Variants in PDZRN4 observed in about 807,000 individuals in gnomAD.
PDZRN4 encodes the protein PDZ domain containing ring finger 4.
A neutral mutation model predicts 99.0 loss-of-function variants in PDZRN4; 70 were observed. That is an observed-to-expected ratio of 0.71 (90% confidence interval 0.58 to 0.86). The LOEUF is 0.86. Among genes scored for constraint, PDZRN4 ranks in the 40% least tolerant of loss-of-function variants. The pLI is 0.00. For missense variants in PDZRN4, 1,474 were observed against 1,331.2 expected (o/e 1.11, Z -1.67); for synonymous variants, 551 against 501.6 (o/e 1.10, Z -1.32).
At chr12:41,364,988 GC>G (rs35956426) in intron 3 of PDZRN4, among the ~76,000 whole-genome samples, 1 of 151,948 alleles carries the variant, frequency 6.6e-6, no homozygotes, top group African/African-American at 2.4e-5. Flanking sequence ...AGTTTTTCTA[GC>G]CCCCTAGGGT....
chr12:41,428,894 T>A (rs1476625784), intron 3 of PDZRN4, among the ~76,000 whole-genome samples: 1 of 152,128 alleles, frequency 6.6e-6, no homozygotes, highest in South Asian at 2.1e-4. Context: ...ACAGTTCAGA[T>A]TGACAGGGCC....
chr12:41,346,021 G>T (rs1270643388), intron 3 of PDZRN4, among the ~76,000 whole-genome samples: 2 of 152,012 alleles, frequency 1.3e-5, no homozygotes, highest in African/African-American at 4.8e-5. Context: ...TAAACTTTAT[G>T]TTTTCTCATT....
chr12:41,221,278 C>T (rs1022898736), intron 3 of PDZRN4, among the ~76,000 whole-genome samples: 1 of 152,160 alleles, frequency 6.6e-6, no homozygotes, highest in Admixed American at 6.6e-5. Context: ...TTGTTTGTTA[C>T]AGCACTTACT....
chr12:41,192,036 C>T (rs1036221993), intron 2 of PDZRN4, among the ~76,000 whole-genome samples: 1 of 152,200 alleles, frequency 6.6e-6, no homozygotes, highest in South Asian at 2.1e-4. Flanking sequence ...ACCTCACGGT[C>T]TCCCAAAGTG....
intron 3 of PDZRN4, among the ~76,000 whole-genome samples, chr12:41,460,509 T>G (rs1456771010): frequency 6.6e-6 from 1 of 152,178 alleles, no homozygotes; most frequent in African/African-American, 2.4e-5. Context: ...AGGAGCAAAT[T>G]CCTGTACCAA....
chr12:41,420,446 G>A (rs1952479180), intron 3 of PDZRN4, among the ~76,000 whole-genome samples: 1 of 152,062 alleles, frequency 6.6e-6, no homozygotes, highest in Admixed American at 6.6e-5. Context: ...GTTTTTGTCT[G>A]CTGCCTCCAC....
At chr12:41,259,704 G>A (rs1335171315) in intron 3 of PDZRN4, among the ~76,000 whole-genome samples, 1 of 152,100 alleles carries the variant, frequency 6.6e-6, no homozygotes, top group Non-Finnish European at 1.5e-5. Context: ...AAAAATATGA[G>A]TATATTGGCC....
intron 3 of PDZRN4, among the ~76,000 whole-genome samples, chr12:41,295,018 A>G (rs1466854197): frequency 6.6e-6 from 1 of 152,056 alleles, no homozygotes; most frequent in African/African-American, 2.4e-5. Context: ...AAAAAATCGC[A>G]GTAGCTCTGA....
At chr12:41,555,345 C>T (rs1275230349) in intron 6 of PDZRN4, among the ~76,000 whole-genome samples, 1 of 151,300 alleles carries the variant, frequency 6.6e-6, no homozygotes, top group Non-Finnish European at 1.5e-5. Flanking sequence ...TTACCATCAC[C>T]TCATGTCAAC....
Position 41,555,791 on chromosome 12 carries a change from C to T in PDZRN4, c.1365+31C>T, listed in dbSNP as rs767745842. The stretch of plus-strand genomic sequence containing the variant: ...TGGTATAGTAATTTCCTTTAGTTCC[C>T]CACGATCTGTCCAAAGTTACTATTT... On this transcript the variant is annotated intron_variant, in intron 7 of 9. Transcript: ENST00000402685. The T allele has an allele frequency of 1.7e-5, 26 of 1,509,022 alleles. No individual in the cohort carries two copies. The East Asian group carries it at 3.8e-4, about 22-fold the overall frequency. 93.5% of individuals were successfully genotyped at this position (1,509,022 alleles called of 1,614,324 possible).
At chr12:41,259,041 G>A (rs1244277319) in intron 3 of PDZRN4, among the ~76,000 whole-genome samples, 1 of 152,024 alleles carries the variant, frequency 6.6e-6, no homozygotes, top group Admixed American at 6.6e-5. Context: ...ACAATTGCAT[G>A]CATTTAGAAA....
intron 3 of PDZRN4, among the ~76,000 whole-genome samples, chr12:41,341,953 T>C (rs112559764): frequency 0.012 from 1,859 of 151,958 alleles, 42 homozygotes; most frequent in African/African-American, 0.041. Context: ...CAAAATATAC[T>C]ACAAAGCTGC....
chr12:41,503,552 G>T (rs1938147682), intron 3 of PDZRN4, among the ~76,000 whole-genome samples: 1 of 151,992 alleles, frequency 6.6e-6, no homozygotes, highest in South Asian at 2.1e-4. Context: ...ATACTCTTCT[G>T]GATTTTGCAA....
intron 3 of PDZRN4, among the ~76,000 whole-genome samples, chr12:41,200,606 T>G (rs1293543416): frequency 1.3e-5 from 2 of 152,156 alleles, no homozygotes; most frequent in African/African-American, 4.8e-5. Context: ...AAGCTCTCAG[T>G]GTGGTTCCCA....
At chr12:41,571,376 T>TCTCTCTCACACA (rs1303597271) in intron 9 of PDZRN4, among the ~76,000 whole-genome samples, 4 of 65,588 alleles carry the variant, frequency 6.1e-5, no homozygotes, top group Non-Finnish European at 6.7e-5. Context: ...TCTCTCTCTC[T>TCTCTCTCACACA]CACACACACA....
At chr12:41,397,684 G>T (rs1275198885) in intron 3 of PDZRN4, among the ~76,000 whole-genome samples, 1 of 151,984 alleles carries the variant, frequency 6.6e-6, no homozygotes, top group Non-Finnish European at 1.5e-5. Context: ...TGTTTTCTGG[G>T]TTACTCTTAC....
chr12:41,254,749 C>G (rs1280823536), intron 3 of PDZRN4, among the ~76,000 whole-genome samples: 1 of 152,156 alleles, frequency 6.6e-6, no homozygotes, highest in Non-Finnish European at 1.5e-5. Context: ...GCCTAGGCAG[C>G]CATGCCCTTG....
At chr12:41,268,090 A>G (rs3858730) in intron 3 of PDZRN4, among the ~76,000 whole-genome samples, 18,513 of 152,204 alleles carry the variant, frequency 0.12, 1,988 homozygotes, top group African/African-American at 0.28. Flanking sequence ...TGTTATACTA[A>G]GTTCTGCGAC....
chr12:41,492,960 G>T (rs1937919065), intron 3 of PDZRN4, among the ~76,000 whole-genome samples: 1 of 152,114 alleles, frequency 6.6e-6, no homozygotes, highest in Admixed American at 6.6e-5. Flanking sequence ...CTGTTTTACA[G>T]AACTAAATAT....
Sources: gnomAD v4.1 joint callset for allele counts (sites outside exome capture counted in the v4.1 genomes callset) on GRCh38, gnomAD v4.1.1 for gene constraint, MANE v1.5 for transcripts, NCBI Gene and HGNC (gene_info 2026-07-23, HGNC 2026-07-21) for gene names.